Variants in PPM1A observed in about 807,000 individuals in gnomAD.
PPM1A encodes the protein protein phosphatase 1A.
PPM1A carries 7 observed loss-of-function variants against 35.0 expected under a neutral mutation model. That is an observed-to-expected ratio of 0.20 (90% CI 0.11 to 0.38). The LOEUF is 0.38. PPM1A is among the 10% of genes least tolerant of loss of function. The probability of loss-of-function intolerance (pLI) is 1.00; values close to 1 mark genes in which losing one functional copy is unlikely to be tolerated. For synonymous variants in PPM1A, 153 were observed against 167.3 expected, an observed-to-expected ratio of 0.91 and a Z score of 0.66; for missense variants, 239 against 467.8, an observed-to-expected ratio of 0.51 and a Z score of 4.51.
At chr14:60,285,850 T>C in intron 3 of PPM1A, 109 bp downstream of exon 3, 1 of 1,493,604 alleles carries the variant, frequency 6.7e-7, no homozygotes, top group Non-Finnish European at 8.9e-7. Context: ...ACAGCTAGTG[T>C]CTAGTGTATG....
rs1348297184 is a variant in PPM1A, at chr14:60,249,249, C to G, written c.-449C>G. 1.0e-6 allele frequency: 1 copy of G among 985,098 alleles called. No individual in the cohort carries two copies. The highest frequency in any genetic ancestry group is 1.8e-5 in the African/African-American group (1 of 55,290). The allele number at this position is 985,098 out of a possible 1,614,324, so 61.0% of individuals were successfully genotyped here. On this transcript the variant is annotated 5_prime_UTR_variant, in exon 1 of 6. Coordinates refer to ENST00000395076, the MANE Select transcript of PPM1A (RefSeq NM_021003.5). The surrounding 1 kb of genome is among the most constrained non-coding windows in gnomAD (Gnocchi z 4.5). ...GGCGGCGGCGGCGGCGGTGGCGGCG[C>G]TAGGGACGGGAGCGCGCGCGGGAGC...
At chr14:60,259,370 A>T (rs1049289238) in intron 1 of PPM1A, among the ~76,000 whole-genome samples, 22 of 152,102 alleles carry the variant, frequency 1.4e-4, no homozygotes. Flanking sequence ...CAACTTAAGT[A>T]TACAAGGTTA....
intron 1 of PPM1A, among the ~76,000 whole-genome samples, chr14:60,261,484 A>G (rs1165205321): frequency 2.0e-5 from 3 of 152,120 alleles, no homozygotes; most frequent in Non-Finnish European, 4.4e-5. Flanking sequence ...TCTTTCTAGA[A>G]CCTTGTGTAG....
upstream of PPM1A, chr14:60,245,870 G>C: frequency 6.3e-7 from 1 of 1,592,544 alleles, no homozygotes; most frequent in Non-Finnish European, 8.5e-7. This position sits in a 1 kb window ranked among gnomAD's most constrained non-coding sequence, Gnocchi z 4.2. Flanking sequence ...GGGAGAAAAT[G>C]GGTAGCAGAA....
In PPM1A at chr14:60,283,829, GAA is replaced by G. The variant is rs756722264; in HGVS notation, c.834+294_834+295del. Among the ~76,000 whole-genome samples, 5 of 152,208 alleles carry G rather than the reference GAA, an allele frequency of 3.3e-5. No individual in the cohort carries two copies. The highest frequency in any genetic ancestry group is 7.4e-5 in the Non-Finnish European group (5 of 68,026). On this transcript the variant is annotated intron_variant, in intron 2 of 5. Transcript: ENST00000395076. The surrounding 1 kb of genome is among the most constrained non-coding windows in gnomAD (Gnocchi z 6.3). ...TTTTATCAGAGTGCATGTTTTGAAA[GAA>G]AGAGGGTGGGGAGGGTTAGGCCTCA...
chr14:60,297,709 AAATT>A lies in PPM1A; in HGVS notation c.*5229_*5232del, dbSNP rs1466111822. On this transcript the variant is annotated 3_prime_UTR_variant, in exon 6 of 6. Transcript: ENST00000395076. ...TAAGAGATCGGGTAGCTGCGGAACAAAATTAGTTATATCCTAATTAGGTACAGTG... is the reference window on the plus strand; with the variant it reads ...TAAGAGATCGGGTAGCTGCGGAACAAAGTTATATCCTAATTAGGTACAGTG... The A allele has an allele frequency of 2.0e-5, 3 of 151,764 alleles. No individual in the cohort carries two copies. The highest frequency in any genetic ancestry group is 4.4e-5 in the Non-Finnish European group (3 of 67,708). The allele number at this position is 151,764 out of a possible 1,614,324, so 9.4% of individuals were successfully genotyped here.
At position 60,249,560 on chromosome 14, in the gene PPM1A, C is replaced by T. The variant is rs992768651; in HGVS notation, c.-138C>T. Reference sequence around the variant, plus strand: ...CCTTCCCCAGCCTGACCTGGCCCGCCGCTGCAGCGGTGACCCCTCCCCCGG... The same window carrying T: ...CCTTCCCCAGCCTGACCTGGCCCGCTGCTGCAGCGGTGACCCCTCCCCCGG... On this transcript the variant is annotated 5_prime_UTR_variant, in exon 1 of 6. Transcript: ENST00000395076. The surrounding 1 kb of genome is among the most constrained non-coding windows in gnomAD (Gnocchi z 4.5). 1.0e-6 allele frequency: 1 copy of T among 985,990 alleles called. No individual in the cohort carries two copies. Among genetic ancestry groups the T allele is most frequent in the African/African-American group, 1.8e-5 (1 of 57,128 alleles). The allele number at this position is 985,990 out of a possible 1,614,324, so 61.1% of individuals were successfully genotyped here. A position where few individuals can be genotyped will look rare whatever the true frequency, so the allele number is the denominator to read the frequency against.
At chr14:60,257,567 T>C (rs1036652945) in intron 1 of PPM1A, among the ~76,000 whole-genome samples, 1 of 152,212 alleles carries the variant, frequency 6.6e-6, no homozygotes, top group Non-Finnish European at 1.5e-5. Context: ...AGTTATACTT[T>C]AGGTGGCTTA....
At chr14:60,254,909 C>CATTA (rs1380157531) in intron 1 of PPM1A, among the ~76,000 whole-genome samples, 1 of 152,196 alleles carries the variant, frequency 6.6e-6, no homozygotes, top group Non-Finnish European at 1.5e-5. Flanking sequence ...GACCTCAAGA[C>CATTA]ATTAGTCTGT....
intron 3 of PPM1A, chr14:60,287,728 T>A: frequency 1.0e-6 from 1 of 984,894 alleles, no homozygotes; most frequent in Non-Finnish European, 1.2e-6. Context: ...AATACTTGAC[T>A]CTCTGGGGGT....
In PPM1A at chr14:60,273,567, T is replaced by C. The variant is rs1053537981; in HGVS notation, c.-20-9117T>C. Among the ~76,000 whole-genome samples, 1 of 152,154 alleles carries C rather than the reference T, an allele frequency of 6.6e-6. No individual in the cohort carries two copies. The highest frequency in any genetic ancestry group is 2.4e-5 in the African/African-American group (1 of 41,422). ...GCAGTGGAAAGCCATTGAGAAACTT[T>C]TAGTACAGAAGTGATATGGTGAAAT... On this transcript the variant is annotated intron_variant, in intron 1 of 5. Coordinates refer to ENST00000395076, the MANE Select transcript of PPM1A (RefSeq NM_021003.5). The surrounding 1 kb of genome is among the most constrained non-coding windows in gnomAD (Gnocchi z 4.3).
At chr14:60,245,796 G>C (rs1311845751), upstream of PPM1A, 16 of 1,486,640 alleles carry the variant, frequency 1.1e-5, no homozygotes, top group Non-Finnish European at 1.3e-5. The surrounding 1 kb of genome is among the most constrained non-coding windows in gnomAD (Gnocchi z 4.2). Flanking sequence ...GCCAGGGTAG[G>C]GGGCACACCC....
chr14:60,264,579 A>G (rs924467479), intron 1 of PPM1A, among the ~76,000 whole-genome samples: 2 of 152,206 alleles, frequency 1.3e-5, no homozygotes, highest in African/African-American at 4.8e-5. Context: ...ATGTTGTTTT[A>G]TCCATAGCTC....
chr14:60,248,528 C>A (rs1230410340), upstream of PPM1A: 2 of 152,480 alleles, frequency 1.3e-5, no homozygotes, highest in African/African-American at 2.4e-5. Flanking sequence ...CTTTGGGTCG[C>A]GAGGTGTGTG....
chr14:60,271,157 C>T (rs888489278), intron 1 of PPM1A, among the ~76,000 whole-genome samples: 1 of 152,136 alleles, frequency 6.6e-6, no homozygotes, highest in Non-Finnish European at 1.5e-5. Context: ...CCACATCACT[C>T]GAATCTTTAA....
At chr14:60,268,181 C>G (rs1240234491) in intron 1 of PPM1A, 8 of 499,074 alleles carry the variant, frequency 1.6e-5, no homozygotes, top group African/African-American at 2.1e-5. Context: ...TTGTGACCTC[C>G]TTGGTCTCCT....
At chr14:60,261,413 G>A (rs372279553) in intron 1 of PPM1A, among the ~76,000 whole-genome samples, 48 of 152,282 alleles carry the variant, frequency 3.2e-4, no homozygotes, top group African/African-American at 1.1e-3. Flanking sequence ...TTAGGCATAT[G>A]TCAGTGAAGC....
intron 1 of PPM1A, among the ~76,000 whole-genome samples, chr14:60,263,123 C>T (rs1042962869): frequency 1.3e-5 from 2 of 151,994 alleles, no homozygotes; most frequent in African/African-American, 4.8e-5. Context: ...GAGGCCGAGG[C>T]AGGAGAATTG....
intron 1 of PPM1A, among the ~76,000 whole-genome samples, chr14:60,257,780 A>G (rs1883301950): frequency 6.6e-6 from 1 of 152,138 alleles, no homozygotes; most frequent in Admixed American, 6.5e-5. Flanking sequence ...TTCAGAAATG[A>G]AAATGTGAAT....
Sources: gnomAD v4.1 joint callset for allele counts (sites outside exome capture counted in the v4.1 genomes callset) on GRCh38, gnomAD v4.1.1 for gene constraint, Gnocchi (gnomAD v3.1) non-coding constraint, MANE v1.5 for transcripts, NCBI Gene and HGNC (gene_info 2026-07-23, HGNC 2026-07-21) for gene names.